The following LDB3 variants were observed in gnomAD, a reference collection of about 807,000 sequenced individuals.
LDB3 encodes the protein LIM domain-binding protein 3.
In LDB3, 49 loss-of-function variants were observed where a neutral mutation model predicts 69.0. The observed-to-expected ratio is 0.71, with a 90% CI of 0.56 to 0.90. LDB3 has a LOEUF of 0.90. LDB3 is among the 40% of genes least tolerant of loss of function. The pLI, the probability that LDB3 is intolerant of heterozygous loss-of-function variation, is 0.00. For synonymous variants in LDB3, 387 were observed against 396.2 expected, an observed-to-expected ratio of 0.98 and a Z score of 0.28; for missense variants, 928 against 974.1, an observed-to-expected ratio of 0.95 and a Z score of 0.63.
chr10:86,725,758 AC>A (rs1230500282), intron 12 of LDB3, among the ~76,000 whole-genome samples: 1 of 152,178 alleles, frequency 6.6e-6, no homozygotes, highest in Non-Finnish European at 1.5e-5. Flanking sequence ...AATACGTTGG[AC>A]CCACATTCTT....
intron 12 of LDB3, 26 bp downstream of exon 12, chr10:86,718,873 G>A: frequency 6.2e-7 from 1 of 1,613,604 alleles, no homozygotes. Flanking sequence ...TGGCATGTGG[G>A]GAGGCCCCAC....
intron 8 of LDB3, among the ~76,000 whole-genome samples, chr10:86,708,935 C>T (rs540903885): frequency 4.9e-4 from 75 of 152,280 alleles, no homozygotes; most frequent in Middle Eastern, 3.4e-3. Flanking sequence ...CCTTGAGGAA[C>T]AGACAGAAGG....
chr10:86,726,516 G>A (rs1344827450), intron 13 of LDB3: 23 of 495,686 alleles, frequency 4.6e-5, no homozygotes, highest in Admixed American at 3.2e-4. Flanking sequence ...GCAAACCAGC[G>A]GCTTGTCTCA....
intron 2 of LDB3, among the ~76,000 whole-genome samples, chr10:86,678,575 T>G (rs895127439): frequency 7.9e-5 from 12 of 152,072 alleles, no homozygotes; most frequent in Non-Finnish European, 1.5e-5. Context: ...CCTGACCTTG[T>G]GATCCACCCA....
chr10:86,714,091 C>T (rs1359012123), intron 9 of LDB3, among the ~76,000 whole-genome samples: 2 of 152,212 alleles, frequency 1.3e-5, no homozygotes, highest in African/African-American at 2.4e-5. Context: ...TACTAGGCTA[C>T]GCTCTTTATA....
At chr10:86,718,573 C>A (rs1246722287) in intron 11 of LDB3, among the ~76,000 whole-genome samples, 154 bp from the exon 12 acceptor site, 1 of 152,116 alleles carries the variant, frequency 6.6e-6, no homozygotes, top group Non-Finnish European at 1.5e-5. Context: ...TCTCTGACAC[C>A]CCTGGGTCTT....
At chr10:86,724,461 GGGTGT>G (rs1564661814) in intron 12 of LDB3, among the ~76,000 whole-genome samples, 1 of 150,294 alleles carries the variant, frequency 6.7e-6, no homozygotes, top group Non-Finnish European at 1.5e-5. Context: ...AAATATAGCT[GGGTGT>G]GGTGGCGCGT....
rs773874594 is a variant in LDB3, at chr10:86,680,800, C to G, written c.322-636C>G. On this transcript the variant is annotated intron_variant, in intron 4 of 13. Coordinates refer to ENST00000361373, the MANE Select transcript of LDB3 (RefSeq NM_007078.3). ...GAGGGCTCCCTGCTCAACTTCTCCCCCTATGTGAACTGATAGTGACCCCAC... is the reference window on the plus strand; with the variant it reads ...GAGGGCTCCCTGCTCAACTTCTCCCGCTATGTGAACTGATAGTGACCCCAC... Among the ~76,000 whole-genome samples the G allele has an allele frequency of 9.2e-5, 14 of 152,352 alleles. 1 individual carries two copies. The Middle Eastern group carries it at 0.024, about 259-fold the overall frequency.
At chr10:86,680,301 G>C in intron 4 of LDB3, 144 bp downstream of exon 4, 1 of 744,178 alleles carries the variant, frequency 1.3e-6, no homozygotes, top group South Asian at 1.6e-5. Context: ...TGCTGCAGCT[G>C]ACCCTGGGGA....
intron 7 of LDB3, among the ~76,000 whole-genome samples, chr10:86,695,276 A>G (rs1845948253): frequency 6.6e-6 from 1 of 152,142 alleles, no homozygotes; most frequent in Admixed American, 6.5e-5. Flanking sequence ...GACTTTGCAA[A>G]CTTTCCCTTC....
intron 12 of LDB3, among the ~76,000 whole-genome samples, chr10:86,719,251 G>A (rs1262486694): frequency 6.6e-6 from 1 of 152,134 alleles, no homozygotes; most frequent in African/African-American, 2.4e-5. Context: ...CATTAGCCAG[G>A]TGTGGTGGCG....
intron 5 of LDB3, among the ~76,000 whole-genome samples, chr10:86,690,586 A>T (rs566036577): frequency 6.6e-6 from 1 of 152,362 alleles, no homozygotes; most frequent in East Asian, 1.9e-4. Flanking sequence ...CCTGAGCCAG[A>T]CACAGGGACC....
Position 86,699,895 on chromosome 10 carries a change from A to C in LDB3, c.897-6636A>C, listed in dbSNP as rs1846186172. On this transcript the variant is annotated intron_variant, in intron 7 of 13. Transcript: ENST00000361373. This position sits in a 1 kb window ranked among gnomAD's most constrained non-coding sequence, Gnocchi z 4.9. ...ATAGGGCTCTTTGAAGAGGAAGTAGAAGCCCCAGGGTAATGAGGCAGAGAC... is the reference window on the plus strand; with the variant it reads ...ATAGGGCTCTTTGAAGAGGAAGTAGCAGCCCCAGGGTAATGAGGCAGAGAC... 9.9e-7 allele frequency: 1 copy of C among 1,009,886 alleles called. No individual in the cohort carries two copies. The highest frequency in any genetic ancestry group is 1.2e-6 in the Non-Finnish European group (1 of 843,772). The allele number at this position is 1,009,886 out of a possible 1,614,324, so 62.6% of individuals were successfully genotyped here.
intron 2 of LDB3, among the ~76,000 whole-genome samples, chr10:86,669,407 G>A (rs1844336648): frequency 6.6e-6 from 1 of 152,212 alleles, no homozygotes; most frequent in Non-Finnish European, 1.5e-5. Flanking sequence ...CACAAGTGCT[G>A]GGGCCTGGTG....
intron 10 of LDB3, among the ~76,000 whole-genome samples, chr10:86,717,046 G>A (rs1424963847): frequency 6.6e-6 from 1 of 152,190 alleles, no homozygotes; most frequent in Non-Finnish European, 1.5e-5. Context: ...CTCCCCCTTG[G>A]GCTAAGGTTG....
At chr10:86,725,057 AC>A (rs1847208791) in intron 12 of LDB3, among the ~76,000 whole-genome samples, 1 of 152,238 alleles carries the variant, frequency 6.6e-6, no homozygotes, top group African/African-American at 2.4e-5. Flanking sequence ...CATACTATCC[AC>A]AAGAAGAACA....
chr10:86,711,085 G>A (rs779903382), intron 9 of LDB3, among the ~76,000 whole-genome samples: 5 of 152,238 alleles, frequency 3.3e-5, no homozygotes, highest in Non-Finnish European at 7.3e-5. Flanking sequence ...GCAGTGGGAA[G>A]AGGCTGCCCC....
Position 86,717,977 on chromosome 10 carries a change from G to A in LDB3, c.1690G>A (p.Val564Ile), listed in dbSNP as rs962296772. The A allele has an allele frequency of 1.9e-6, 3 of 1,613,956 alleles. No homozygotes were observed. Among genetic ancestry groups the A allele is most frequent in the Non-Finnish European group, 1.7e-6 (2 of 1,179,950 alleles). ...GTGCTTCCCCAGGGGCCCATTTCTG[G>A]TAGCCATGGGCCGTTCTTGGCACCC... ...CNNVIRGPFL[V>I]AMGRSWHPEE... Residue 564 changes from valine (V) to isoleucine (I), a missense_variant, in exon 11 of 14, where the codon GTA becomes ATA. Transcript: ENST00000361373.
At chr10:86,686,373 C>T (rs1845467335) in intron 5 of LDB3, among the ~76,000 whole-genome samples, 1 of 152,198 alleles carries the variant, frequency 6.6e-6, no homozygotes, top group Non-Finnish European at 1.5e-5. Context: ...CTGCTGCTCC[C>T]GACCCCTACC....
Sources: allele counts gnomAD v4.1 joint callset (sites outside exome capture counted in the v4.1 genomes callset), GRCh38; gene constraint gnomAD v4.1.1; non-coding constraint Gnocchi (gnomAD v3.1); transcripts MANE v1.5; gene names NCBI Gene and HGNC (gene_info 2026-07-23, HGNC 2026-07-21).